AK7: variants seen among roughly 807,000 people sequenced by gnomAD.
AK7 encodes the protein adenylate kinase 7.
In AK7, 78 loss-of-function variants were observed where a neutral mutation model predicts 96.6. The observed-to-expected ratio is 0.81, with a 90% CI of 0.67 to 0.97. The LOEUF (loss-of-function observed/expected upper bound fraction) is 0.97, where lower values mean the gene tolerates loss of function less well. Among genes scored for constraint, AK7 ranks in the 50% least tolerant of loss-of-function variants. AK7 has a pLI of 0.00. For synonymous variants in AK7, 302 were observed against 317.2 expected (o/e 0.95, Z 0.51); for missense variants, 855 against 887.9 (o/e 0.96, Z 0.47).
At position 96,398,107 on chromosome 14, in the gene AK7, T is replaced by C. The variant is rs1242727304; in HGVS notation, c.138T>C (p.Leu46=). 2 of 1,614,156 alleles carry C rather than the reference T, an allele frequency of 1.2e-6. No homozygotes were observed. Among genetic ancestry groups the C allele is most frequent in the African/African-American group, 1.3e-5 (1 of 75,062 alleles). ...CTAACTGTGTAGTTGGGGCTTCGCT[T>C]GAAGAAATTACAGAGGAAGAGGAAG... The part of the protein sequence containing the change: ...FLSNCVVGAS[L]EEITEEEEEE... Residue 46 remains leucine, a synonymous_variant, in exon 2 of 18, where the codon CTT becomes CTC. Transcript: ENST00000267584.
chr14:96,478,789 C>T, intron 15 of AK7, 127 bp downstream of exon 15: 1 of 877,902 alleles, frequency 1.1e-6, no homozygotes, highest in Non-Finnish European at 1.8e-6. Context: ...GCACAGGAAG[C>T]CATGAAATAC....
In AK7 at chr14:96,420,925, G is replaced by C. The variant is rs267604119; in HGVS notation, c.602G>C (p.Gly201Ala). ...GCTGAAAAAATGGTTCTCAAATTTG[G>C]AAAAAAGGTAAGTCTGGCATAGTGG... ...INAEKMVLKF[G>A]KKARKFAAYV... The change falls in exon 5 of 18, where the codon GGA (glycine) becomes GCA (alanine). Residue 201 changes from glycine to alanine, a missense_variant. By Grantham distance (60) the Gly-to-Ala change is moderately conservative. Coordinates refer to ENST00000267584, the MANE Select transcript of AK7 (RefSeq NM_152327.5). The C allele has an allele frequency of 6.3e-7, 1 of 1,598,700 alleles. No homozygotes were observed. Among genetic ancestry groups the C allele is most frequent in the East Asian group, 2.2e-5 (1 of 44,778 alleles).
chr14:96,392,898 C>T (rs1314444971), intron 1 of AK7, among the ~76,000 whole-genome samples: 1 of 152,150 alleles, frequency 6.6e-6, no homozygotes, highest in Non-Finnish European at 1.5e-5. Context: ...GATCTCCTGA[C>T]CTCGTGACCC....
rs1236658772 is a variant in AK7, at chr14:96,398,195, T to C, written c.226T>C (p.Phe76Leu). The change falls in exon 2 of 18, where the codon TTC (phenylalanine) becomes CTC (leucine). Residue 76 changes from phenylalanine to leucine, a missense_variant. Phe to Leu is a conservative substitution (Grantham distance 22, BLOSUM62 0). Coordinates refer to ENST00000267584, the MANE Select transcript of AK7 (RefSeq NM_152327.5). ...CTCAACCAAAGTGAAGGAAGGCACA[T>C]TCCAGATTGTGGGCACGCTGTCCAA... ...ASSTKVKEGT[F>L]QIVGTLSKPD... The C allele has an allele frequency of 6.2e-7, 1 of 1,613,970 alleles. No individual in the cohort carries two copies. Among genetic ancestry groups the C allele is most frequent in the Non-Finnish European group, 8.5e-7 (1 of 1,180,036 alleles).
chr14:96,478,654 T>C lies in AK7; in HGVS notation c.1745T>C (p.Ile582Thr). 1 of 1,613,716 alleles carries C rather than the reference T, an allele frequency of 6.2e-7. No homozygotes were observed. Among genetic ancestry groups the C allele is most frequent in the South Asian group, 1.1e-5 (1 of 91,072 alleles). ...NYFDELEIHP[I>T]HIDVGKLEDA... ...TTTGATGAACTTGAAATTCACCCGA[T>C]ACATATTGGTATGAAATGAATTCAA... Residue 582 changes from isoleucine (I) to threonine (T), a missense_variant, in exon 15 of 18, where the codon ATA becomes ACA. Coordinates refer to ENST00000267584, the MANE Select transcript of AK7 (RefSeq NM_152327.5).
intron 12 of AK7, among the ~76,000 whole-genome samples, chr14:96,462,932 T>C (rs1394383241): frequency 1.3e-5 from 2 of 151,944 alleles, no homozygotes; most frequent in East Asian, 3.9e-4. Flanking sequence ...GGTCAGAAGT[T>C]CAAGACCAGC....
rs771286603 is a variant in AK7 at position 96,487,030 on chromosome 14, C to T, written c.2107C>T (p.Arg703Ter). 10 of 1,613,744 alleles carry T rather than the reference C, an allele frequency of 6.2e-6. No homozygotes were observed. The highest frequency in any genetic ancestry group is 2.7e-5 in the African/African-American group (2 of 74,834). Residue 703 changes from arginine to a stop codon, truncating the protein, a stop_gained, in exon 17 of 18, where the codon CGA (arginine) becomes TGA (stop). Coordinates refer to ENST00000267584, the MANE Select transcript of AK7 (RefSeq NM_152327.5). LOFTEE classifies it high-confidence loss of function. ...GGGCCTGAATGAATGTTGCAACGTC[C>T]GACCCGAAGACCCTGTTGATTTTCT... ...IQGLNECCNV[R>*]PEDPVDFLAE...
chr14:96,422,108 A>AG lies in AK7; in HGVS notation c.609+1179dup, dbSNP rs563108552. Among the ~76,000 whole-genome samples the AG allele has an allele frequency of 3.8e-3, 573 of 152,256 alleles. 1 individual carries two copies. Among genetic ancestry groups the AG allele is most frequent in the Non-Finnish European group, 6.4e-3 (432 of 68,006 alleles). On this transcript the variant is annotated intron_variant, in intron 5 of 17. Transcript: ENST00000267584. ...CCAGCATTTATTATTAAGTTTAGTG[A>AG]GGGCAGGGATAGGTTAGTGAGGGAT...
chr14:96,487,410 AG>A (rs1373725602), intron 17 of AK7, among the ~76,000 whole-genome samples: 29 of 147,172 alleles, frequency 2.0e-4, no homozygotes, highest in Non-Finnish European at 3.9e-4. Flanking sequence ...AGAAAAAAAA[AG>A]AAAAAAAAAT....
intron 4 of AK7, among the ~76,000 whole-genome samples, chr14:96,414,835 C>A (rs1397838893): frequency 6.7e-6 from 1 of 148,362 alleles, no homozygotes; most frequent in Non-Finnish European, 1.5e-5. Flanking sequence ...TCACTGCAAC[C>A]TCCACCTCCT....
intron 4 of AK7, among the ~76,000 whole-genome samples, chr14:96,411,766 G>A (rs895317430): frequency 1.3e-5 from 2 of 152,216 alleles, no homozygotes; most frequent in African/African-American, 4.8e-5. Context: ...TAATTGAAGG[G>A]GGCGTGGCAG....
intron 4 of AK7, among the ~76,000 whole-genome samples, chr14:96,415,782 T>G (rs1243015178): frequency 6.7e-6 from 1 of 149,370 alleles, no homozygotes; most frequent in African/African-American, 2.4e-5. Flanking sequence ...TTAAATTAAT[T>G]TAATACATTA....
intron 16 of AK7, among the ~76,000 whole-genome samples, chr14:96,483,965 C>T (rs1249751189): frequency 1.3e-5 from 2 of 151,950 alleles, no homozygotes; most frequent in Non-Finnish European, 2.9e-5. Context: ...CATGGTGGTT[C>T]ATACCTGTAA....
intron 12 of AK7, among the ~76,000 whole-genome samples, chr14:96,459,491 TATG>T (rs1259747202): frequency 6.6e-6 from 1 of 152,096 alleles, no homozygotes; most frequent in African/African-American, 2.4e-5. Context: ...TTGCCACTGA[TATG>T]ATAAGTTAAT....
chr14:96,478,907 CTTTT>C (rs147640900), intron 15 of AK7, among the ~76,000 whole-genome samples: 1 of 140,950 alleles, frequency 7.1e-6, no homozygotes, highest in African/African-American at 2.6e-5. Flanking sequence ...ATGACAAATC[CTTTT>C]TTTTTTTTTT....
chr14:96,463,492 G>T (rs1411646454), intron 12 of AK7, among the ~76,000 whole-genome samples: 14 of 151,906 alleles, frequency 9.2e-5, no homozygotes, highest in African/African-American at 3.1e-4. Flanking sequence ...GGCCGAGGCG[G>T]GCGGATCACG....
intron 4 of AK7, among the ~76,000 whole-genome samples, chr14:96,409,745 A>T (rs576895544): frequency 6.6e-6 from 1 of 152,356 alleles, no homozygotes; most frequent in South Asian, 2.1e-4. Context: ...AGAAAACATG[A>T]GCCACAGTCA....
intron 5 of AK7, among the ~76,000 whole-genome samples, chr14:96,425,054 T>C (rs1044409863): frequency 2.0e-5 from 3 of 152,238 alleles, no homozygotes; most frequent in Non-Finnish European, 4.4e-5. Flanking sequence ...TCTTACTCAC[T>C]CTTTTCTACA....
chr14:96,473,410 G>A (rs1046015883), intron 14 of AK7, among the ~76,000 whole-genome samples: 6 of 150,472 alleles, frequency 4.0e-5, no homozygotes, highest in Admixed American at 6.6e-5. Context: ...CGACCCACCC[G>A]CCTTGGCCTC....
Sources: allele counts gnomAD v4.1 joint callset (sites outside exome capture counted in the v4.1 genomes callset), GRCh38; gene constraint gnomAD v4.1.1; transcripts MANE v1.5; gene names NCBI Gene and HGNC (gene_info 2026-07-23, HGNC 2026-07-21).